The following SERPINB13 variants were observed in gnomAD, a reference collection of about 807,000 sequenced individuals.
SERPINB13 encodes serpin family B member 13, also known as serpin B13.
SERPINB13 carries 26 observed loss-of-function variants against 31.2 expected under a neutral mutation model. The observed-to-expected ratio is 0.83, with a 90% CI of 0.61 to 1.15. The LOEUF is 1.15. Among genes scored for constraint, SERPINB13 ranks in the 50% most tolerant of loss-of-function variants. SERPINB13 has a pLI of 0.00. For synonymous variants in SERPINB13, 191 were observed against 172.4 expected, an observed-to-expected ratio of 1.11 and a Z score of -0.85; for missense variants, 510 against 469.4, an observed-to-expected ratio of 1.09 and a Z score of -0.80.
At position 63,595,070 on chromosome 18, in the gene SERPINB13, C is replaced by T. The variant is rs1335337171; in HGVS notation, c.657C>T (p.Ser219=). 2 of 1,614,038 alleles carry T rather than the reference C, an allele frequency of 1.2e-6. No individual in the cohort carries two copies. The highest frequency in any genetic ancestry group is 2.2e-5 in the South Asian group (2 of 91,066). ...TACAGATGATGACACAGAGCCATTC[C>T]TTTAGCTTCACTTTCCTGGAGGACT... The part of the protein sequence containing the change: ...KSVQMMTQSH[S]FSFTFLEDLQ... The change falls in exon 7 of 8, where the codon TCC becomes TCT. Residue 219 remains serine (S), a synonymous_variant. Coordinates refer to ENST00000344731, the MANE Select transcript of SERPINB13 (RefSeq NM_012397.4).
At chr18:63,593,815 T>C (rs1911995944) in intron 5 of SERPINB13, among the ~76,000 whole-genome samples, 1 of 152,224 alleles carries the variant, frequency 6.6e-6, no homozygotes, top group African/African-American at 2.4e-5. Context: ...TATTGTGGGA[T>C]GGGGTGAACT....
intron 7 of SERPINB13, among the ~76,000 whole-genome samples, chr18:63,595,422 C>T (rs1182667987): frequency 6.6e-6 from 1 of 152,134 alleles, no homozygotes; most frequent in African/African-American, 2.4e-5. Flanking sequence ...TATGGGAGTC[C>T]TAACGATCAC....
rs144903442 is a variant in SERPINB13, at chr18:63,594,414, G to A, written c.532G>A (p.Val178Met). The A allele has an allele frequency of 7.3e-4, 1,186 of 1,614,176 alleles. 15 individuals are homozygous for A. The East Asian group carries it at 0.024, about 33-fold the overall frequency. ...SISSSTKLVLVNMVYFKGQWD... is the reference protein window; with the variant it reads ...SISSSTKLVLMNMVYFKGQWD... ...TAGTAGCTCTACCAAGCTGGTGCTG[G>A]TGAACATGGTTTATTTTAAAGGGCA... is the stretch of plus-strand genomic sequence containing the variant. The change falls in exon 6 of 8, where the codon GTG (valine) becomes ATG (methionine). Residue 178 changes from valine to methionine, a missense_variant. Coordinates refer to ENST00000344731, the MANE Select transcript of SERPINB13 (RefSeq NM_012397.4).
chr18:63,588,708 A>G lies in SERPINB13; in HGVS notation c.41A>G (p.Asp14Gly), dbSNP rs747159034. 3 of 1,614,052 alleles carry G rather than the reference A, an allele frequency of 1.9e-6. No individual in the cohort carries two copies. In the African/African-American group the frequency reaches 4.0e-5, roughly 22 times the overall value. Residue 14 changes from aspartate (D) to glycine (G), a missense_variant, in exon 2 of 8, where the codon GAT (aspartate) becomes GGT (glycine). Physicochemically the swap from Asp to Gly is moderately conservative, Grantham distance 94. Coordinates refer to ENST00000344731, the MANE Select transcript of SERPINB13 (RefSeq NM_012397.4). ...LGAVSTRLGF[D>G]LFKELKKTND... ...GCCGTCAGCACTCGACTTGGGTTTG[A>G]TCTTTTCAAAGAGCTGAAGAAAACA...
intron 2 of SERPINB13, among the ~76,000 whole-genome samples, chr18:63,589,075 A>G (rs1017156052): frequency 1.3e-5 from 2 of 152,166 alleles, no homozygotes; most frequent in African/African-American, 4.8e-5. Flanking sequence ...TGGTTGCGTA[A>G]CCTTGTCCAA....
chr18:63,594,562 T>C, intron 6 of SERPINB13, 65 bp downstream of exon 6: 1 of 1,556,032 alleles, frequency 6.4e-7, no homozygotes, highest in Non-Finnish European at 8.7e-7. Context: ...AAGTCATGGC[T>C]GGGCGTGGTG....
Position 63,588,633 on chromosome 18 carries a change from T to C in SERPINB13, c.-17-18T>C. The C allele has an allele frequency of 6.2e-7, 1 of 1,611,120 alleles. No individual in the cohort carries two copies. Among genetic ancestry groups the C allele is most frequent in the Non-Finnish European group, 8.5e-7 (1 of 1,177,514 alleles). On this transcript the variant is annotated intron_variant, in intron 1 of 7. Transcript: ENST00000344731. Reference sequence around the variant, plus strand: ...TAATTCAAATGTTCAGTTTTGATTGTTGTTCTTGCTATTCTAGGTCTCGCT... The same window carrying C: ...TAATTCAAATGTTCAGTTTTGATTGCTGTTCTTGCTATTCTAGGTCTCGCT...
chr18:63,592,688 C>T (rs1911925311), intron 4 of SERPINB13, among the ~76,000 whole-genome samples, 166 bp from the exon 5 acceptor site: 2 of 152,170 alleles, frequency 1.3e-5, no homozygotes, highest in Admixed American at 6.5e-5. Flanking sequence ...CCCAGAATAG[C>T]TGCATAAAAA....
chr18:63,595,933 A>C (rs1255663581), intron 7 of SERPINB13, among the ~76,000 whole-genome samples: 1 of 150,650 alleles, frequency 6.6e-6, no homozygotes, highest in Admixed American at 6.6e-5. Flanking sequence ...TAAATAAATA[A>C]ATAAATAAAT....
chr18:63,597,330 C>T lies in SERPINB13; in HGVS notation c.1143C>T (p.Ser381=). The T allele has an allele frequency of 6.2e-7, 1 of 1,613,688 alleles. No individual in the cohort carries two copies. Among genetic ancestry groups the T allele is most frequent in the Non-Finnish European group, 8.5e-7 (1 of 1,179,778 alleles). The change falls in exon 8 of 8, where the codon AGC becomes AGT. Residue 381 remains serine, a synonymous_variant. Transcript: ENST00000344731. The stretch of plus-strand genomic sequence containing the variant: ...TCATCAGGCACAATGAATCCAACAG[C>T]ATCCTCTTCTTCGGCAGATTTTCTT... ...LFFIRHNESN[S]ILFFGRFSSP
At chr18:63,591,971 A>G (rs1911879539) in intron 3 of SERPINB13, among the ~76,000 whole-genome samples, 1 of 152,194 alleles carries the variant, frequency 6.6e-6, no homozygotes, top group Non-Finnish European at 1.5e-5. Flanking sequence ...ACTTCAATAG[A>G]TAAGAATCGT....
At chr18:63,594,567 G>A (rs113449757) in intron 6 of SERPINB13, 70 bp downstream of exon 6, 284 of 1,540,780 alleles carry the variant, frequency 1.8e-4, no homozygotes, top group Middle Eastern at 2.2e-4. Flanking sequence ...ATGGCTGGGC[G>A]TGGTGGCTGA....
chr18:63,596,073 T>C (rs988638748), intron 7 of SERPINB13, among the ~76,000 whole-genome samples: 1 of 152,140 alleles, frequency 6.6e-6, no homozygotes, highest in Non-Finnish European at 1.5e-5. Context: ...TTCCCATCTC[T>C]GAAGAGGGCT....
In SERPINB13 at chr18:63,587,386, C is replaced by A. The variant is rs1019067184; in HGVS notation, c.-82C>A. ...GAGAACTATAAATTAAGGATCCCAG[C>A]TACTTAATTGACTTATGCTTCCTAG... is the stretch of plus-strand genomic sequence containing the variant. On this transcript the variant is annotated 5_prime_UTR_variant, in exon 1 of 8. Transcript: ENST00000344731. The A allele has an allele frequency of 5.3e-5, 25 of 470,200 alleles. No individual in the cohort carries two copies. Among genetic ancestry groups the A allele is most frequent in the Non-Finnish European group, 1.0e-4 (23 of 226,784 alleles). 29.1% of individuals were successfully genotyped at this position (470,200 alleles called of 1,614,324 possible).
At position 63,597,248 on chromosome 18, in the gene SERPINB13, C is replaced by G. The variant is rs1221702448; in HGVS notation, c.1061C>G (p.Thr354Ser). The change falls in exon 8 of 8, where the codon ACT (threonine) becomes AGT (serine). Residue 354 changes from threonine to serine, a missense_variant. By Grantham distance (58) the Thr-to-Ser change is moderately conservative. Coordinates refer to ENST00000344731, the MANE Select transcript of SERPINB13 (RefSeq NM_012397.4). ...EAAAATGIGFTVTSAPGHENV... is the reference protein window; with the variant it reads ...EAAAATGIGFSVTSAPGHENV... ...GCAGCTGCCACCGGCATAGGCTTTA[C>G]TGTCACATCCGCCCCAGGTCATGAA... The G allele has an allele frequency of 1.9e-6, 3 of 1,614,258 alleles. No individual in the cohort carries two copies. Among genetic ancestry groups the G allele is most frequent in the African/African-American group, 1.3e-5 (1 of 75,076 alleles).
At chr18:63,589,521 C>G in intron 2 of SERPINB13, 135 bp from the exon 3 acceptor site, 7 of 1,125,454 alleles carry the variant, frequency 6.2e-6, no homozygotes, top group Non-Finnish European at 8.6e-6. Flanking sequence ...AGACCTTTTT[C>G]TGATTTTGCA....
At chr18:63,596,902 C>T in intron 7 of SERPINB13, 57 bp from the exon 8 acceptor site, 1 of 1,393,860 alleles carries the variant, frequency 7.2e-7, no homozygotes, top group Non-Finnish European at 9.8e-7. Flanking sequence ...CAGTGTTACA[C>T]TGTTTTAGAT....
chr18:63,594,848 A>C lies in SERPINB13; in HGVS notation c.616-181A>C, dbSNP rs373570784. On this transcript the variant is annotated intron_variant, in intron 6 of 7. Coordinates refer to ENST00000344731, the MANE Select transcript of SERPINB13 (RefSeq NM_012397.4). ...GTGAGACTCCATCCCCCACCCCCCCAAAAAAATCTAAAGTCATATTTGAGC... is the reference window on the plus strand; with the variant it reads ...GTGAGACTCCATCCCCCACCCCCCCCAAAAAATCTAAAGTCATATTTGAGC... 4.7e-3 allele frequency among the ~76,000 whole-genome samples: 714 copies of C among 152,012 alleles called. 3 individuals carry two copies. The highest frequency in any genetic ancestry group is 0.014 in the African/African-American group (600 of 41,466).
chr18:63,597,348 A>T lies in SERPINB13; in HGVS notation c.1161A>T (p.Arg387Ser). 1 of 1,612,486 alleles carries T rather than the reference A, an allele frequency of 6.2e-7. No individual in the cohort carries two copies. The highest frequency in any genetic ancestry group is 1.1e-5 in the South Asian group (1 of 90,898). ...CCAACAGCATCCTCTTCTTCGGCAG[A>T]TTTTCTTCTCCTTAAGATGATCGTT... The part of the protein sequence containing the change: ...NESNSILFFG[R>S]FSSP Residue 387 changes from arginine to serine, a missense_variant, in exon 8 of 8, where the codon AGA becomes AGT. Coordinates refer to ENST00000344731, the MANE Select transcript of SERPINB13 (RefSeq NM_012397.4).
Sources: gnomAD v4.1 joint callset for allele counts (sites outside exome capture counted in the v4.1 genomes callset) on GRCh38, gnomAD v4.1.1 for gene constraint, MANE v1.5 for transcripts, NCBI Gene and HGNC (gene_info 2026-07-23, HGNC 2026-07-21) for gene names.